Variants in SLC24A3 observed in about 807,000 individuals in gnomAD.
SLC24A3 encodes the protein solute carrier family 24 member 3, also known as sodium/potassium/calcium exchanger 3.
Under a neutral mutation model 75.8 loss-of-function variants are expected in SLC24A3, and 28 were observed. The observed-to-expected ratio is 0.37, with a 90% confidence interval of 0.27 to 0.51. The LOEUF (loss-of-function observed/expected upper bound fraction) is 0.51. SLC24A3 is among the 20% of genes least tolerant of loss of function. The pLI is 0.94. For missense variants in SLC24A3, 663 were observed against 847.8 expected (o/e 0.78, Z 2.71); for synonymous variants, 372 against 334.1 (o/e 1.11, Z -1.24).
At chr20:19,580,158 G>T in intron 4 of SLC24A3, 84 bp downstream of exon 4, 2 of 1,213,936 alleles carry the variant, frequency 1.6e-6, no homozygotes, top group Non-Finnish European at 2.4e-6. Context: ...CCTCACCAAA[G>T]TCCTGGGGAG....
intron 2 of SLC24A3, among the ~76,000 whole-genome samples, chr20:19,466,756 C>G (rs1363670839): frequency 6.7e-6 from 1 of 148,960 alleles, no homozygotes; most frequent in Non-Finnish European, 1.5e-5. Context: ...AGACCGGTGT[C>G]TATTTAAAGC....
chr20:19,700,080 G>A (rs897505583), intron 15 of SLC24A3, among the ~76,000 whole-genome samples: 1 of 152,164 alleles, frequency 6.6e-6, no homozygotes, highest in African/African-American at 2.4e-5. Context: ...AGGTATGCAA[G>A]GATTAAATAA....
intron 2 of SLC24A3, among the ~76,000 whole-genome samples, chr20:19,454,109 G>T (rs1987538753): frequency 6.6e-6 from 1 of 152,212 alleles, no homozygotes; most frequent in Non-Finnish European, 1.5e-5. Flanking sequence ...AAGAAGCAGT[G>T]CTCAGAGCCA....
chr20:19,218,139 G>A (rs1211858920), intron 1 of SLC24A3, among the ~76,000 whole-genome samples: 1 of 152,106 alleles, frequency 6.6e-6, no homozygotes, highest in Non-Finnish European at 1.5e-5. Flanking sequence ...AAATAAAGAC[G>A]CTCTTTTGAT....
rs139234159 is a variant in SLC24A3, at chr20:19,585,530, C to G, written c.598C>G (p.Leu200Val). The change falls in exon 6 of 17, where the codon CTC (leucine) becomes GTC (valine). Residue 200 changes from leucine to valine, a missense_variant. Physicochemically the swap from Leu to Val is conservative, Grantham distance 32. This residue lies in a region of SLC24A3 where 510 missense variants were observed against 703.6 expected (regional missense o/e 0.72). Coordinates refer to ENST00000328041, the MANE Select transcript of SLC24A3 (RefSeq NM_020689.4). Reference sequence around the variant, plus strand: ...CCTGTGCATCATTGGTGTCTGTGGGCTCTTTGCTGGGCAGGTAAGACTGGC... The same window carrying G: ...CCTGTGCATCATTGGTGTCTGTGGGGTCTTTGCTGGGCAGGTAAGACTGGC... ...NILCIIGVCG[L>V]FAGQVVALSS... 3 of 1,613,902 alleles carry G rather than the reference C, an allele frequency of 1.9e-6. No individual in the cohort carries two copies. The highest frequency in any genetic ancestry group is 2.5e-6 in the Non-Finnish European group (3 of 1,179,966).
chr20:19,651,167 C>T (rs766964498), intron 6 of SLC24A3, among the ~76,000 whole-genome samples: 11 of 151,840 alleles, frequency 7.2e-5, no homozygotes, highest in Non-Finnish European at 1.6e-4. Flanking sequence ...GTACATTCTC[C>T]AGTAGCTTTT....
At chr20:19,676,547 A>G (rs2032526249) in intron 9 of SLC24A3, among the ~76,000 whole-genome samples, 1 of 152,228 alleles carries the variant, frequency 6.6e-6, no homozygotes, top group African/African-American at 2.4e-5. Flanking sequence ...ATGCTTCACA[A>G]TAAAATAGCT....
At chr20:19,402,772 CAG>C (rs1986575172) in intron 2 of SLC24A3, among the ~76,000 whole-genome samples, 1 of 152,098 alleles carries the variant, frequency 6.6e-6, no homozygotes, top group Admixed American at 6.5e-5. Flanking sequence ...AAACTCTAGA[CAG>C]GGGGTGATGT....
chr20:19,347,558 C>T (rs1050996444), intron 2 of SLC24A3, among the ~76,000 whole-genome samples: 6 of 151,936 alleles, frequency 3.9e-5, no homozygotes, highest in African/African-American at 1.5e-4. Flanking sequence ...GGTCTATTGA[C>T]AAATGACAAG....
At chr20:19,359,661 A>G (rs1314161882) in intron 2 of SLC24A3, among the ~76,000 whole-genome samples, 1 of 152,150 alleles carries the variant, frequency 6.6e-6, no homozygotes, top group African/African-American at 2.4e-5. Context: ...ACCCTTACAG[A>G]TTGTAGGTGG....
At chr20:19,314,323 TTTATTTTTG>T (rs1984530401) in intron 2 of SLC24A3, among the ~76,000 whole-genome samples, 1 of 148,730 alleles carries the variant, frequency 6.7e-6, no homozygotes. Flanking sequence ...TTTATTTTAT[TTTATTTTTG>T]AGACAGGGTC....
chr20:19,688,628 G>T (rs2032708599), intron 12 of SLC24A3, among the ~76,000 whole-genome samples: 1 of 152,184 alleles, frequency 6.6e-6, no homozygotes, highest in African/African-American at 2.4e-5. Flanking sequence ...GACTGAAAAA[G>T]ATCCGTCCAC....
chr20:19,233,191 C>T (rs922373329), intron 1 of SLC24A3, among the ~76,000 whole-genome samples: 2 of 152,214 alleles, frequency 1.3e-5, no homozygotes, highest in Non-Finnish European at 2.9e-5. Context: ...GATGAGCAGT[C>T]CGGGGTGGGG....
intron 1 of SLC24A3, among the ~76,000 whole-genome samples, chr20:19,218,010 G>A (rs1981609334): frequency 6.6e-6 from 1 of 152,184 alleles, no homozygotes; most frequent in African/African-American, 2.4e-5. Context: ...TAGGGTCCAG[G>A]AGGTCAGGGA....
chr20:19,489,717 C>T (rs1236469680), intron 2 of SLC24A3, among the ~76,000 whole-genome samples: 2 of 152,122 alleles, frequency 1.3e-5, no homozygotes, highest in African/African-American at 2.4e-5. Context: ...CCCTGAGGAT[C>T]TGTGGGTCCC....
At chr20:19,631,204 AC>A (rs2031928652) in intron 6 of SLC24A3, among the ~76,000 whole-genome samples, 1 of 152,134 alleles carries the variant, frequency 6.6e-6, no homozygotes, top group African/African-American at 2.4e-5. Flanking sequence ...AAAAAGAAAT[AC>A]ACAAATTAGC....
chr20:19,426,332 A>G (rs1246566899), intron 2 of SLC24A3, among the ~76,000 whole-genome samples: 2 of 152,150 alleles, frequency 1.3e-5, no homozygotes, highest in Non-Finnish European at 2.9e-5. Flanking sequence ...TCTTGGAGCT[A>G]TTTTCTTTCT....
At chr20:19,577,696 A>T in intron 3 of SLC24A3, among the ~76,000 whole-genome samples, 1 of 152,368 alleles carries the variant, frequency 6.6e-6, no homozygotes. Context: ...ATACACATAT[A>T]CATAGATTAT....
At position 19,722,838 on chromosome 20, in the gene SLC24A3, C is replaced by T. The variant is rs1204191735; in HGVS notation, c.*1698C>T. 6.6e-6 allele frequency: 1 copy of T among 152,612 alleles called. No individual in the cohort carries two copies. Among genetic ancestry groups the T allele is most frequent in the Non-Finnish European group, 1.5e-5 (1 of 68,042 alleles). 9.5% of individuals were successfully genotyped at this position (152,612 alleles called of 1,614,324 possible). A position where few individuals can be genotyped will look rare whatever the true frequency, so the allele number is the denominator to read the frequency against. On this transcript the variant is annotated 3_prime_UTR_variant, in exon 17 of 17. Transcript: ENST00000328041. Reference sequence around the variant, plus strand: ...TATTGATTCTGTTGCACATTTTGCACTGGTTTATGGCGATTGTTTTCTTGG... The same window carrying T: ...TATTGATTCTGTTGCACATTTTGCATTGGTTTATGGCGATTGTTTTCTTGG...
Sources: gnomAD v4.1 joint callset for allele counts (sites outside exome capture counted in the v4.1 genomes callset) on GRCh38, gnomAD v4.1.1 for gene constraint, gnomAD v4.1.1 regional missense constraint, MANE v1.5 for transcripts, NCBI Gene and HGNC (gene_info 2026-07-23, HGNC 2026-07-21) for gene names.